ZBTB16: variants seen among roughly 807,000 people sequenced by gnomAD.
The protein encoded by ZBTB16 is zinc finger and BTB domain containing 16.
In ZBTB16, 8 loss-of-function variants were observed where a neutral mutation model predicts 56.8. That is an observed-to-expected ratio of 0.14 (90% CI 0.08 to 0.25). The LOEUF is 0.25. ZBTB16 is among the 10% of genes least tolerant of loss of function. The pLI, the probability that ZBTB16 is intolerant of heterozygous loss-of-function variation, is 1.00. For missense variants in ZBTB16, 625 were observed against 903.0 expected (o/e 0.69, Z 3.95); for synonymous variants, 363 against 368.5 (o/e 0.98, Z 0.17).
intron 4 of ZBTB16, among the ~76,000 whole-genome samples, chr11:114,192,355 A>T (rs591210): frequency 0.58 from 88,686 of 152,034 alleles, 26,351 homozygotes; most frequent in African/African-American, 0.67. Flanking sequence ...AGCCCCAGAT[A>T]GAAGGCGGTG....
rs1366306880 is a variant in ZBTB16 at position 114,089,534 on chromosome 11, T to C, written c.1268+24966T>C. 3.9e-5 allele frequency among the ~76,000 whole-genome samples: 6 copies of C among 152,194 alleles called. No individual in the cohort carries two copies. The South Asian group carries it at 8.3e-4, about 21-fold the overall frequency. Reference sequence around the variant, plus strand: ...CCACGATGTTTAATAGGTTGAATTGTAGAGGGGGCCTCTGATTCCAAAGAT... The same window carrying C: ...CCACGATGTTTAATAGGTTGAATTGCAGAGGGGGCCTCTGATTCCAAAGAT... On this transcript the variant is annotated intron_variant, in intron 2 of 6. Coordinates refer to ENST00000335953, the MANE Select transcript of ZBTB16 (RefSeq NM_006006.6).
At chr11:114,141,640 C>G (rs998417344) in intron 2 of ZBTB16, among the ~76,000 whole-genome samples, 5 of 152,192 alleles carry the variant, frequency 3.3e-5, no homozygotes, top group Admixed American at 6.5e-5. Context: ...TGGAGGATCC[C>G]AAAGTCTTAG....
intron 2 of ZBTB16, among the ~76,000 whole-genome samples, chr11:114,089,609 C>T (rs1299710072): frequency 6.6e-6 from 1 of 152,216 alleles, no homozygotes; most frequent in Non-Finnish European, 1.5e-5. Flanking sequence ...CCTCCTCTCT[C>T]CAGCCTGGGC....
rs183361753 is a variant in ZBTB16 at position 114,256,132 on chromosome 11, G to A, written c.*5577G>A. ...GAAAGCTCTGTATTACACATATTTAGACTTATCTATGTGTCACTTTTATGC... is the reference window on the plus strand; with the variant it reads ...GAAAGCTCTGTATTACACATATTTAAACTTATCTATGTGTCACTTTTATGC... On this transcript the variant is annotated 3_prime_UTR_variant, in exon 7 of 7. Transcript: ENST00000335953. Among the ~76,000 whole-genome samples the A allele has an allele frequency of 1.1e-3, 165 of 151,416 alleles. No homozygotes were observed. Among genetic ancestry groups the A allele is most frequent in the African/African-American group, 3.8e-3 (159 of 41,322 alleles).
chr11:114,152,812 T>C (rs767219944), intron 2 of ZBTB16, among the ~76,000 whole-genome samples: 6 of 152,232 alleles, frequency 3.9e-5, no homozygotes, highest in Non-Finnish European at 7.3e-5. Flanking sequence ...CTTCCTTCCT[T>C]TCCTGTCACA....
At chr11:114,168,479 A>T (rs896834706) in intron 3 of ZBTB16, among the ~76,000 whole-genome samples, 1 of 152,316 alleles carries the variant, frequency 6.6e-6, no homozygotes, top group South Asian at 2.1e-4. Context: ...GCACAGTGCT[A>T]TGTGTTCTGC....
At chr11:114,236,153 C>G (rs1192489200) in intron 4 of ZBTB16, among the ~76,000 whole-genome samples, 1 of 152,154 alleles carries the variant, frequency 6.6e-6, no homozygotes, top group Non-Finnish European at 1.5e-5. Flanking sequence ...TGGGTCAAAG[C>G]TGACTTATAT....
chr11:114,194,029 G>C (rs1288790986), intron 4 of ZBTB16, among the ~76,000 whole-genome samples: 1 of 152,202 alleles, frequency 6.6e-6, no homozygotes, highest in African/African-American at 2.4e-5. Context: ...AGGCTGATTG[G>C]TTCCGGGTGA....
chr11:114,240,027 C>CCTA (rs1464513107), intron 4 of ZBTB16, among the ~76,000 whole-genome samples: 2 of 152,194 alleles, frequency 1.3e-5, no homozygotes, highest in African/African-American at 2.4e-5. Context: ...AGATAAGGTA[C>CCTA]CTAGCATAAC....
intron 4 of ZBTB16, among the ~76,000 whole-genome samples, chr11:114,199,570 A>G (rs560889171): frequency 4.6e-5 from 7 of 152,198 alleles, no homozygotes; most frequent in South Asian, 2.1e-4. Context: ...GCAATAATGA[A>G]TTAGGAGAAG....
chr11:114,118,018 ACT>A (rs1435223417), intron 2 of ZBTB16, among the ~76,000 whole-genome samples: 1 of 152,012 alleles, frequency 6.6e-6, no homozygotes, highest in South Asian at 2.1e-4. Context: ...CGAAATCATG[ACT>A]CTGTGAAATT....
At chr11:114,217,202 G>C (rs1944123440) in intron 4 of ZBTB16, among the ~76,000 whole-genome samples, 1 of 152,228 alleles carries the variant, frequency 6.6e-6, no homozygotes. Context: ...ACAGAAACTT[G>C]TTAGGCTGTG....
intron 2 of ZBTB16, among the ~76,000 whole-genome samples, chr11:114,135,938 T>C (rs1216044865): frequency 6.6e-6 from 1 of 152,210 alleles, no homozygotes; most frequent in Non-Finnish European, 1.5e-5. Flanking sequence ...GGAAAGAACA[T>C]CTGCCTTTTT....
intron 2 of ZBTB16, among the ~76,000 whole-genome samples, chr11:114,106,226 TC>T (rs1940784913): frequency 1.3e-5 from 2 of 152,232 alleles, no homozygotes; most frequent in Admixed American, 1.3e-4. Context: ...TCTGAAGTGT[TC>T]CGTAGCTTCT....
intron 2 of ZBTB16, among the ~76,000 whole-genome samples, chr11:114,093,012 C>A (rs1940247128): frequency 6.6e-6 from 1 of 152,106 alleles, no homozygotes; most frequent in Non-Finnish European, 1.5e-5. Flanking sequence ...CACCACACCC[C>A]AAAATCACCC....
chr11:114,190,730 T>TATATACACAC (rs1404711208), intron 4 of ZBTB16, among the ~76,000 whole-genome samples: 4 of 143,502 alleles, frequency 2.8e-5, no homozygotes, highest in African/African-American at 1.0e-4. Flanking sequence ...CTCTCTCTCA[T>TATATACACAC]ACACACACAC....
At chr11:114,166,414 C>T (rs970483742) in intron 3 of ZBTB16, among the ~76,000 whole-genome samples, 6 of 152,008 alleles carry the variant, frequency 3.9e-5, no homozygotes, top group African/African-American at 1.5e-4. Context: ...TATGGAAAAG[C>T]TGCAGTGTCT....
chr11:114,200,395 G>C (rs1210310094), intron 4 of ZBTB16, among the ~76,000 whole-genome samples: 1 of 152,204 alleles, frequency 6.6e-6, no homozygotes, highest in African/African-American at 2.4e-5. Context: ...AGAAATTGGA[G>C]GGGAAGGATA....
chr11:114,201,058 T>A lies in ZBTB16; in HGVS notation c.1453+14020T>A, dbSNP rs553355616. 7.2e-5 allele frequency among the ~76,000 whole-genome samples: 11 copies of A among 152,214 alleles called. No individual in the cohort carries two copies. The South Asian group carries it at 1.2e-3, about 17-fold the overall frequency. ...TGAAATTGCAGGGTTTGCTATAATT[T>A]GCCTATCGCTTTCTGCTCCACCATT... is the stretch of plus-strand genomic sequence containing the variant. On this transcript the variant is annotated intron_variant, in intron 4 of 6. Transcript: ENST00000335953.
Sources: allele counts gnomAD v4.1 joint callset (sites outside exome capture counted in the v4.1 genomes callset), GRCh38; gene constraint gnomAD v4.1.1; transcripts MANE v1.5; gene names NCBI Gene and HGNC (gene_info 2026-07-23, HGNC 2026-07-21).